The following OPRM1 variants were observed in gnomAD, a reference collection of about 807,000 sequenced individuals.
The protein encoded by OPRM1 is mu-type opioid receptor.
A neutral mutation model predicts 31.8 loss-of-function variants in OPRM1; 27 were observed. That is an observed-to-expected ratio of 0.85 (90% CI 0.63 to 1.17). The LOEUF (loss-of-function observed/expected upper bound fraction) is 1.17. Among genes scored for constraint, OPRM1 ranks in the 50% most tolerant of loss-of-function variants. The probability of loss-of-function intolerance (pLI) is 0.00; values close to 1 mark genes in which losing one functional copy is unlikely to be tolerated. For synonymous variants in OPRM1, 196 were observed against 189.9 expected, an observed-to-expected ratio of 1.03 and a Z score of -0.26; for missense variants, 536 against 511.1, an observed-to-expected ratio of 1.05 and a Z score of -0.47.
chr6:154,107,430 C>CT, intron 3 of OPRM1: 3 of 718,192 alleles, frequency 4.2e-6, no homozygotes, highest in Middle Eastern at 2.3e-4. Flanking sequence ...GACGTCTTCA[C>CT]TCAGATATTA....
chr6:154,159,784 G>A (rs1477182783), intron 3 of OPRM1: 1 of 1,461,656 alleles, frequency 6.8e-7, no homozygotes, highest in Admixed American at 1.8e-5. Flanking sequence ...ATCTTGAAGA[G>A]TTGCTTGTGA....
chr6:154,060,431 T>C (rs1784164561), intron 1 of OPRM1, among the ~76,000 whole-genome samples: 1 of 152,218 alleles, frequency 6.6e-6, no homozygotes, highest in Admixed American at 6.5e-5. Flanking sequence ...GCTTCTCAAA[T>C]GGTTAATGGG....
chr6:154,183,995 A>G (rs1801122731), intron 3 of OPRM1, among the ~76,000 whole-genome samples: 1 of 152,164 alleles, frequency 6.6e-6, no homozygotes, highest in Non-Finnish European at 1.5e-5. Flanking sequence ...AATTTCAAGT[A>G]CACAATGTAG....
At chr6:154,132,677 A>C (rs557587644), downstream of OPRM1, among the ~76,000 whole-genome samples, 551 of 152,268 alleles carry the variant, frequency 3.6e-3, 2 homozygotes, top group African/African-American at 0.013. Context: ...CTGATAGTCT[A>C]CTTTTTTTAA....
chr6:154,087,137 A>G (rs1399921699), intron 1 of OPRM1: 1 of 985,418 alleles, frequency 1.0e-6, no homozygotes, highest in Non-Finnish European at 1.2e-6. Context: ...TCCAAAAAAA[A>G]GCCCCCAAGT....
chr6:154,246,825 T>C (rs1315402547), exon 4 of OPRM1: 9 of 1,491,928 alleles, frequency 6.0e-6, no homozygotes, highest in Non-Finnish European at 7.2e-6. Context: ...AGTATTATCC[T>C]GATTTATGTG....
chr6:154,154,280 G>T (rs1464836642), intron 3 of OPRM1, among the ~76,000 whole-genome samples: 1 of 152,142 alleles, frequency 6.6e-6, no homozygotes, highest in Admixed American at 6.5e-5. Flanking sequence ...TATGTTTTAA[G>T]CAGCTTGTGT....
intron 1 of OPRM1, among the ~76,000 whole-genome samples, chr6:154,080,092 G>T (rs543269926): frequency 1.4e-4 from 21 of 152,150 alleles, no homozygotes; most frequent in African/African-American, 5.1e-4. Flanking sequence ...TTTTTAGTTT[G>T]CAAATTGATC....
intron 3 of OPRM1, among the ~76,000 whole-genome samples, chr6:154,181,343 T>C (rs955767324): frequency 1.3e-5 from 2 of 152,196 alleles, no homozygotes; most frequent in Non-Finnish European, 2.9e-5. Context: ...ACTGTGTTAA[T>C]TCTTAGACCA....
chr6:154,038,574 G>A (rs1457280434), upstream of OPRM1, among the ~76,000 whole-genome samples: 2 of 152,070 alleles, frequency 1.3e-5, no homozygotes, highest in Non-Finnish European at 2.9e-5. Flanking sequence ...GTCTATCGAG[G>A]AAGTCTTCAG....
At chr6:154,082,481 T>C (rs999424346) in intron 1 of OPRM1, among the ~76,000 whole-genome samples, 3 of 152,206 alleles carry the variant, frequency 2.0e-5, no homozygotes, top group Non-Finnish European at 4.4e-5. Flanking sequence ...CAGCATATGT[T>C]TGCACTTCTA....
chr6:154,143,475 T>C (rs1165974386), intron 3 of OPRM1, among the ~76,000 whole-genome samples: 2 of 152,224 alleles, frequency 1.3e-5, no homozygotes, highest in African/African-American at 4.8e-5. Flanking sequence ...ACAAGAAAGA[T>C]AGACAGGAAG....
intron 1 of OPRM1, among the ~76,000 whole-genome samples, chr6:154,025,972 CATACTAAAGTTATAATGTT>C (rs1583141594): frequency 6.6e-6 from 1 of 152,036 alleles, no homozygotes; most frequent in Admixed American, 6.6e-5. Context: ...GTTTAGATTA[CATACTAAAGTTATAATGTT>C]ATAATATTCT....
At position 154,180,414 on chromosome 6, in the gene OPRM1, A is replaced by ATATATTTTTT. The variant is rs1241250621; in HGVS notation, c.1165-66278_1165-66277insATATTTTTTT. Among the ~76,000 whole-genome samples, 585 of 65,004 alleles carry ATATATTTTTT rather than the reference A, an allele frequency of 9.0e-3. 3 individuals carry two copies. The highest frequency in any genetic ancestry group is 0.022 in the African/African-American group (451 of 20,654). The allele number at this position is 65,004 out of a possible 152,430, so 42.6% of individuals were successfully genotyped here. A position where few individuals can be genotyped will look rare whatever the true frequency, so the allele number is the denominator to read the frequency against. On this transcript the variant is annotated intron_variant, in intron 3 of 3. Transcript: ENST00000337049. The stretch of plus-strand genomic sequence containing the variant: ...TATATATATATATATATATATATAT[A>ATATATTTTTT]TTTTTTTTTTAAACATGATCCTTCT...
intron 3 of OPRM1, among the ~76,000 whole-genome samples, chr6:154,116,314 T>G (rs1489012351): frequency 1.3e-5 from 2 of 151,974 alleles, no homozygotes; most frequent in East Asian, 3.9e-4. Context: ...CAGTTGGGCG[T>G]GGTGCCTCAT....
At position 154,123,201 on chromosome 6, in the gene OPRM1, G is replaced by T. The variant is rs1011733825; in HGVS notation, c.*4480G>T. Among the ~76,000 whole-genome samples the T allele has an allele frequency of 6.6e-6, 1 of 152,080 alleles. No homozygotes were observed. The highest frequency in any genetic ancestry group is 2.4e-5 in the African/African-American group (1 of 41,420). On this transcript the variant is annotated 3_prime_UTR_variant, in exon 4 of 4. Coordinates refer to ENST00000330432, the MANE Select transcript of OPRM1 (RefSeq NM_000914.5). ...ACTGCCTCTATCTATGCAGCTATGG[G>T]GTGTCTCTAGGCGAGCACAAAGCAT... is the stretch of plus-strand genomic sequence containing the variant.
At chr6:154,232,050 T>C (rs1410723964) in intron 3 of OPRM1, among the ~76,000 whole-genome samples, 1 of 152,124 alleles carries the variant, frequency 6.6e-6, no homozygotes, top group Non-Finnish European at 1.5e-5. Context: ...TCTTGGTAGG[T>C]TTTTTTCCTT....
intron 1 of OPRM1, among the ~76,000 whole-genome samples, chr6:154,021,844 TC>T (rs1488924769): frequency 7.0e-4 from 107 of 152,068 alleles, no homozygotes; most frequent in African/African-American, 2.5e-3. Flanking sequence ...AGGAGGGTTT[TC>T]TCTTTTTTTT....
At chr6:154,198,043 G>T (rs770915319) in intron 3 of OPRM1, among the ~76,000 whole-genome samples, 2 of 152,134 alleles carry the variant, frequency 1.3e-5, no homozygotes, top group African/African-American at 4.8e-5. Flanking sequence ...AGAACAAGAG[G>T]TGTGACCAAT....
Sources: allele counts gnomAD v4.1 joint callset (sites outside exome capture counted in the v4.1 genomes callset), GRCh38; gene constraint gnomAD v4.1.1; transcripts MANE v1.5; gene names NCBI Gene and HGNC (gene_info 2026-07-23, HGNC 2026-07-21).